C12orf75: variants seen among roughly 807,000 people sequenced by gnomAD.
C12orf75 encodes the protein overexpressed in colon carcinoma 1 protein.
A neutral mutation model predicts 11.4 loss-of-function variants in C12orf75; 4 were observed. The observed-to-expected ratio is 0.35, with a 90% confidence interval of 0.17 to 0.80. C12orf75 has a LOEUF of 0.80. Among genes scored for constraint, C12orf75 ranks in the 30% least tolerant of loss-of-function variants. The probability of loss-of-function intolerance (pLI) is 0.52; values close to 1 mark genes in which losing one functional copy is unlikely to be tolerated. For synonymous variants in C12orf75, 30 were observed against 30.0 expected (o/e 1.00, Z 0.00); for missense variants, 89 against 80.4 (o/e 1.11, Z -0.41).
intron 2 of C12orf75, among the ~76,000 whole-genome samples, chr12:105,357,660 G>A (rs760238047): frequency 3.9e-5 from 6 of 152,120 alleles, no homozygotes; most frequent in African/African-American, 7.2e-5. Context: ...GATACTCAAC[G>A]GGTGGCTTGA....
chr12:105,339,243 T>C (rs367724972), intron 1 of C12orf75, among the ~76,000 whole-genome samples: 2 of 101,858 alleles, frequency 2.0e-5, no homozygotes, highest in Non-Finnish European at 5.0e-5. Context: ...GCAGTTATAT[T>C]TATATAGTTC....
chr12:105,336,066 A>G (rs1296813906), intron 1 of C12orf75, among the ~76,000 whole-genome samples: 4 of 152,202 alleles, frequency 2.6e-5, no homozygotes, highest in African/African-American at 9.7e-5. Flanking sequence ...GGCTTTGAAG[A>G]ATAGGTAAGA....
At chr12:105,330,974 G>A (rs1892414731) in intron 1 of C12orf75, 37 bp downstream of exon 1, 3 of 1,144,150 alleles carry the variant, frequency 2.6e-6, no homozygotes, top group African/African-American at 3.2e-5. Context: ...GCGGGGGCGG[G>A]CGGGAGAGGC....
Position 105,358,298 on chromosome 12 carries a change from T to C in C12orf75, c.72-7509T>C, listed in dbSNP as rs115341563. ...CAGGAGGCTAAGGTGGGAGGATCAC[T>C]TGAGCTGAGGAGTTCGAGACCAGTC... On this transcript the variant is annotated intron_variant, in intron 2 of 5. Transcript: ENST00000443585. Among the ~76,000 whole-genome samples the C allele has an allele frequency of 1.6e-3, 247 of 152,286 alleles. 1 individual carries two copies. The highest frequency in any genetic ancestry group is 5.8e-3 in the African/African-American group (241 of 41,554).
At chr12:105,331,875 C>T (rs1379815044) in intron 1 of C12orf75, among the ~76,000 whole-genome samples, 1 of 152,200 alleles carries the variant, frequency 6.6e-6, no homozygotes. Context: ...CACATCCTAG[C>T]CTAACCAGCA....
At chr12:105,351,843 T>C (rs1198547142) in intron 2 of C12orf75, among the ~76,000 whole-genome samples, 1 of 151,970 alleles carries the variant, frequency 6.6e-6, no homozygotes, top group African/African-American at 2.4e-5. Flanking sequence ...AGGCCAATAA[T>C]CGTGCTTGTT....
At chr12:105,339,712 G>T (rs1892542872) in intron 1 of C12orf75, among the ~76,000 whole-genome samples, 1 of 151,968 alleles carries the variant, frequency 6.6e-6, no homozygotes, top group African/African-American at 2.4e-5. Context: ...CGCCTGCCGG[G>T]TTCATGCCTT....
At chr12:105,336,745 G>C (rs1197052050) in intron 1 of C12orf75, among the ~76,000 whole-genome samples, 1 of 152,126 alleles carries the variant, frequency 6.6e-6, no homozygotes, top group Non-Finnish European at 1.5e-5. Flanking sequence ...AAATTAAACT[G>C]TTAGAGCCTG....
At chr12:105,367,648 G>C in intron 5 of C12orf75, 139 bp downstream of exon 5, 1 of 308,138 alleles carries the variant, frequency 3.2e-6, no homozygotes, top group Middle Eastern at 4.5e-4. Context: ...CTATGGAATT[G>C]AGTGTGTTTT....
rs140497233 is a variant in C12orf75 at position 105,341,186 on chromosome 12, A to G, written c.47-7416A>G. Among the ~76,000 whole-genome samples the G allele has an allele frequency of 6.7e-3, 1,018 of 152,370 alleles. 18 individuals carry two copies. The highest frequency in any genetic ancestry group is 9.3e-3 in the Non-Finnish European group (630 of 68,034). ...TATAAATAATTCTTTGCTTAAATAA[A>G]CACAGCATGATGCAATCTTGGTGTG... On this transcript the variant is annotated intron_variant, in intron 1 of 5. Coordinates refer to ENST00000443585, the MANE Select transcript of C12orf75 (RefSeq NM_001145199.2).
At chr12:105,348,679 G>T in intron 2 of C12orf75, 53 bp downstream of exon 2, 1 of 1,281,966 alleles carries the variant, frequency 7.8e-7, no homozygotes, top group Non-Finnish European at 1.1e-6. Flanking sequence ...GGAAGTTGCT[G>T]TTTTTCATGA....
chr12:105,356,682 G>GTCCTTGATCA (rs1892786228), intron 2 of C12orf75, among the ~76,000 whole-genome samples: 1 of 152,052 alleles, frequency 6.6e-6, no homozygotes, highest in African/African-American at 2.4e-5. Flanking sequence ...ATCTGTATTT[G>GTCCTTGATCA]TCCTTGATCA....
chr12:105,337,607 T>C (rs1330662340), intron 1 of C12orf75, among the ~76,000 whole-genome samples: 1 of 152,130 alleles, frequency 6.6e-6, no homozygotes, highest in African/African-American at 2.4e-5. Flanking sequence ...CATCTCTTGA[T>C]CTACCAAAAT....
At chr12:105,339,559 A>G (rs973594948) in intron 1 of C12orf75, among the ~76,000 whole-genome samples, 4 of 152,140 alleles carry the variant, frequency 2.6e-5, no homozygotes. Context: ...GAGTCTATAT[A>G]GTATGGTGGT....
At chr12:105,338,162 TTTATC>T (rs1892519596) in intron 1 of C12orf75, among the ~76,000 whole-genome samples, 3 of 152,084 alleles carry the variant, frequency 2.0e-5, no homozygotes. Flanking sequence ...TATGGCTGCA[TTTATC>T]TTTCATTTAT....
chr12:105,346,849 C>A (rs1413635170), intron 1 of C12orf75, among the ~76,000 whole-genome samples: 1 of 152,218 alleles, frequency 6.6e-6, no homozygotes. Context: ...TTTTACACCT[C>A]TGTGACTTGT....
rs1345917958 is a variant in C12orf75 at position 105,330,897 on chromosome 12, C to T, written c.6C>T (p.Gly2=). The part of the protein sequence containing the change: M[G]CGNSTATSAG... ...CTTCCCCGGCCGGCTGCGCGATGGGCTGCGGGAACTCCACCGCCACCAGCG... is the reference window on the plus strand; with the variant it reads ...CTTCCCCGGCCGGCTGCGCGATGGGTTGCGGGAACTCCACCGCCACCAGCG... Residue 2 remains glycine, a synonymous_variant, in exon 1 of 6, where the codon GGC becomes GGT. Coordinates refer to ENST00000443585, the MANE Select transcript of C12orf75 (RefSeq NM_001145199.2). 13 of 1,248,002 alleles carry T rather than the reference C, an allele frequency of 1.0e-5. No homozygotes were observed. Among genetic ancestry groups the T allele is most frequent in the Non-Finnish European group, 6.0e-6 (6 of 998,302 alleles). 77.3% of individuals were successfully genotyped at this position (1,248,002 alleles called of 1,614,324 possible).
chr12:105,353,673 T>C (rs1892742156), intron 2 of C12orf75: 2 of 152,238 alleles, frequency 1.3e-5, no homozygotes, highest in South Asian at 4.1e-4. Flanking sequence ...GAAGTCTTGA[T>C]TTAAAGCTTA....
intron 2 of C12orf75, among the ~76,000 whole-genome samples, chr12:105,362,267 C>T (rs1413878096): frequency 1.3e-5 from 2 of 150,542 alleles, no homozygotes; most frequent in East Asian, 2.0e-4. Flanking sequence ...CGCCTGTAGT[C>T]CCAGCTACTT....
Sources: gnomAD v4.1 joint callset for allele counts (sites outside exome capture counted in the v4.1 genomes callset) on GRCh38, gnomAD v4.1.1 for gene constraint, MANE v1.5 for transcripts, NCBI Gene and HGNC (gene_info 2026-07-23, HGNC 2026-07-21) for gene names.